The following LRFN2 variants were observed in gnomAD, a reference collection of about 807,000 sequenced individuals.
LRFN2 encodes the protein leucine-rich repeat and fibronectin type-III domain-containing protein 2.
Under a neutral mutation model 37.3 loss-of-function variants are expected in LRFN2, and 18 were observed. That is an observed-to-expected ratio of 0.48 (90% CI 0.33 to 0.72). The LOEUF (loss-of-function observed/expected upper bound fraction) is 0.72, where lower values mean the gene tolerates loss of function less well. LRFN2 is among the 30% of genes least tolerant of loss of function. LRFN2 has a pLI of 0.02. For missense variants in LRFN2, 1,006 were observed against 1,060.7 expected (o/e 0.95, Z 0.72); for synonymous variants, 556 against 466.6 (o/e 1.19, Z -2.47).
intron 1 of LRFN2, among the ~76,000 whole-genome samples, chr6:40,522,041 A>G (rs1766089571): frequency 6.6e-6 from 1 of 152,132 alleles, no homozygotes; most frequent in Admixed American, 6.5e-5. Context: ...ATGGGGTACT[A>G]TGGTGCTGCT....
chr6:40,442,870 G>A (rs1265820690), intron 1 of LRFN2, among the ~76,000 whole-genome samples: 3 of 152,268 alleles, frequency 2.0e-5, no homozygotes, highest in Non-Finnish European at 2.9e-5. Flanking sequence ...GGCTGGCCAC[G>A]CTGCGTCTCT....
chr6:40,529,003 A>C (rs1242829089), intron 1 of LRFN2, among the ~76,000 whole-genome samples: 1 of 152,308 alleles, frequency 6.6e-6, no homozygotes, highest in East Asian at 1.9e-4. Flanking sequence ...TCTAGCAGGC[A>C]GGGGCTCCCC....
chr6:40,392,137 T>C lies in LRFN2; in HGVS notation c.2176A>G (p.Met726Val), dbSNP rs1182438453. 2 of 1,611,604 alleles carry C rather than the reference T, an allele frequency of 1.2e-6. No homozygotes were observed. Among genetic ancestry groups the C allele is most frequent in the Non-Finnish European group, 8.5e-7 (1 of 1,178,946 alleles). ...GCCGCCGCAGCAGCAAAGTCCCCCATGTCGAAGGAGTGGCTGCGTTTGGCC... is the reference window on the plus strand; with the variant it reads ...GCCGCCGCAGCAGCAAAGTCCCCCACGTCGAAGGAGTGGCTGCGTTTGGCC... The part of the protein sequence containing the change: ...GKAKRSHSFD[M>V]GDFAAAAAGG... The change falls in exon 3 of 3, where the codon ATG becomes GTG. Residue 726 changes from methionine to valine, a missense_variant. Around this residue, in one of 4 missense-constraint regions of LRFN2, gnomAD observed 398 missense variants for 327.6 expected, o/e 1.21. Transcript: ENST00000338305. This position sits in a 1 kb window ranked among gnomAD's most constrained non-coding sequence, Gnocchi z 4.7.
At chr6:40,505,978 C>T (rs1765523656) in intron 1 of LRFN2, among the ~76,000 whole-genome samples, 1 of 152,200 alleles carries the variant, frequency 6.6e-6, no homozygotes, top group South Asian at 2.1e-4. Flanking sequence ...CACTGTTCCC[C>T]ATCTCAATAT....
rs545567360 is a variant in LRFN2 at position 40,565,586 on chromosome 6, C to A, written c.-19+21355G>T. On this transcript the variant is annotated intron_variant, in intron 1 of 2. Coordinates refer to ENST00000338305, the MANE Select transcript of LRFN2 (RefSeq NM_020737.3). ...AGCCCTCAGAAATATTGCCACCTAT[C>A]TACAACCATCTGATCTTTGACAAAC... Among the ~76,000 whole-genome samples, 4 of 152,304 alleles carry A rather than the reference C, an allele frequency of 2.6e-5. No homozygotes were observed. In the East Asian group the frequency reaches 7.7e-4, roughly 29 times the overall value.
intron 1 of LRFN2, among the ~76,000 whole-genome samples, chr6:40,536,047 C>T (rs1766442846): frequency 6.6e-6 from 1 of 152,058 alleles, no homozygotes; most frequent in South Asian, 2.1e-4. Flanking sequence ...TAAAGAAGTT[C>T]ATGGTCAATG....
intron 2 of LRFN2, among the ~76,000 whole-genome samples, chr6:40,399,259 G>A (rs1045956351): frequency 5.3e-5 from 8 of 151,314 alleles, no homozygotes; most frequent in Non-Finnish European, 7.4e-5. Flanking sequence ...GATGGGGATG[G>A]GTGGGTGGCG....
At chr6:40,398,553 A>G (rs2113794866) in intron 2 of LRFN2, among the ~76,000 whole-genome samples, 1 of 151,908 alleles carries the variant, frequency 6.6e-6, no homozygotes, top group Non-Finnish European at 1.5e-5. Context: ...TGGCTCAACC[A>G]TCAGGTCAGT....
chr6:40,453,179 CA>C (rs1295432403), intron 1 of LRFN2, among the ~76,000 whole-genome samples: 1 of 152,048 alleles, frequency 6.6e-6, no homozygotes, highest in Non-Finnish European at 1.5e-5. Context: ...GTGTACCCTG[CA>C]GGGAACTGTC....
At chr6:40,442,661 G>T (rs1388178684) in intron 1 of LRFN2, among the ~76,000 whole-genome samples, 1 of 152,188 alleles carries the variant, frequency 6.6e-6, no homozygotes, top group Non-Finnish European at 1.5e-5. Context: ...CCCTCAGACT[G>T]GGGCTCCATC....
intron 1 of LRFN2, among the ~76,000 whole-genome samples, chr6:40,457,894 T>C (rs1290850521): frequency 1.3e-5 from 2 of 152,166 alleles, no homozygotes; most frequent in African/African-American, 4.8e-5. Context: ...GATATGATCA[T>C]CCAGCCCCTT....
chr6:40,528,232 C>G lies in LRFN2; in HGVS notation c.-19+58709G>C, dbSNP rs141769279. 2.0e-5 allele frequency among the ~76,000 whole-genome samples: 3 copies of G among 152,378 alleles called. No individual in the cohort carries two copies. The East Asian group carries it at 5.8e-4, about 29-fold the overall frequency. ...TCACATGTCCTCCCTAACTCCAGCC[C>G]TTTGTCCCCACTGGCGGCCTGCCGA... On this transcript the variant is annotated intron_variant, in intron 1 of 2. Transcript: ENST00000338305.
chr6:40,438,017 G>C (rs928563841), intron 1 of LRFN2, among the ~76,000 whole-genome samples: 1 of 152,242 alleles, frequency 6.6e-6, no homozygotes, highest in African/African-American at 2.4e-5. Flanking sequence ...AGAGAGGTGT[G>C]TGGGGATCAG....
At chr6:40,488,641 C>T (rs552057325) in intron 1 of LRFN2, among the ~76,000 whole-genome samples, 30 of 152,304 alleles carry the variant, frequency 2.0e-4, no homozygotes, top group African/African-American at 7.2e-4. Flanking sequence ...TTATTCCCAT[C>T]TTTCAAGGCT....
At chr6:40,570,372 T>C (rs1767165871) in intron 1 of LRFN2, among the ~76,000 whole-genome samples, 1 of 152,186 alleles carries the variant, frequency 6.6e-6, no homozygotes, top group South Asian at 2.1e-4. Flanking sequence ...CACACCTCTG[T>C]GGGGGCAGGT....
intron 1 of LRFN2, among the ~76,000 whole-genome samples, chr6:40,467,121 C>A (rs553978137): frequency 6.6e-6 from 1 of 151,648 alleles, no homozygotes; most frequent in African/African-American, 2.4e-5. Flanking sequence ...TTTTGGTAGA[C>A]CTAGCAAAGT....
In LRFN2 at chr6:40,523,505, A is replaced by ATTTTTTTT. The variant is rs751179915; in HGVS notation, c.-19+63428_-19+63435dup. On this transcript the variant is annotated intron_variant, in intron 1 of 2. Coordinates refer to ENST00000338305, the MANE Select transcript of LRFN2 (RefSeq NM_020737.3). ...TAGGACCCTAAAGCATCTTTAGGTG[A>ATTTTTTTT]TTTTTTTTTTTTTTTTTTTTTTTTT... 1.2e-4 allele frequency among the ~76,000 whole-genome samples: 15 copies of ATTTTTTTT among 129,314 alleles called. 7 individuals are homozygous for ATTTTTTTT. Among genetic ancestry groups the ATTTTTTTT allele is most frequent in the Non-Finnish European group, 1.2e-4 (7 of 60,438 alleles). The allele number at this position is 129,314 out of a possible 152,430, so 84.8% of individuals were successfully genotyped here. A position where few individuals can be genotyped will look rare whatever the true frequency, so the allele number is the denominator to read the frequency against.
intron 1 of LRFN2, among the ~76,000 whole-genome samples, chr6:40,490,820 T>G (rs2077719): frequency 9.2e-5 from 14 of 152,222 alleles, no homozygotes; most frequent in Admixed American, 3.9e-4. Context: ...GCAGGGGAGA[T>G]TCCTTGACTT....
chr6:40,569,023 A>G (rs1172553558), intron 1 of LRFN2, among the ~76,000 whole-genome samples: 1 of 152,204 alleles, frequency 6.6e-6, no homozygotes, highest in African/African-American at 2.4e-5. Flanking sequence ...GCGAGGATAA[A>G]TGGTGTGGTA....
Sources: gnomAD v4.1 joint callset for allele counts (sites outside exome capture counted in the v4.1 genomes callset) on GRCh38, gnomAD v4.1.1 for gene constraint, gnomAD v4.1.1 regional missense constraint, Gnocchi (gnomAD v3.1) non-coding constraint, MANE v1.5 for transcripts, NCBI Gene and HGNC (gene_info 2026-07-23, HGNC 2026-07-21) for gene names.